PIK3CB: variants seen among roughly 807,000 people sequenced by gnomAD.
PIK3CB encodes the protein phosphatidylinositol 4,5-bisphosphate 3-kinase catalytic subunit beta isoform.
PIK3CB carries 39 observed loss-of-function variants against 136.8 expected under a neutral mutation model. The ratio of observed to expected loss-of-function variants is 0.29; its 90% CI spans 0.22 to 0.37. PIK3CB has a LOEUF of 0.37. Among genes scored for constraint, PIK3CB ranks in the 10% least tolerant of loss-of-function variants. The pLI is 1.00. For missense variants in PIK3CB, 868 were observed against 1,275.4 expected, an observed-to-expected ratio of 0.68 and a Z score of 4.87; for synonymous variants, 428 against 436.6, an observed-to-expected ratio of 0.98 and a Z score of 0.25.
intron 10 of PIK3CB, 62 bp downstream of exon 10, chr3:138,712,146 C>T (rs989812917): frequency 1.0e-4 from 71 of 709,522 alleles, no homozygotes; most frequent in Middle Eastern, 2.7e-4. Context: ...ATAAATATTA[C>T]CTAGTCCACA....
At chr3:138,767,241 C>T (rs1026732423) in intron 2 of PIK3CB, among the ~76,000 whole-genome samples, 1 of 152,092 alleles carries the variant, frequency 6.6e-6, no homozygotes, top group Non-Finnish European at 1.5e-5. Flanking sequence ...GTAGAAAATT[C>T]AAAAATCATG....
chr3:138,714,373 CTAATA>C (rs1449602016), intron 9 of PIK3CB, 90 bp downstream of exon 9: 4 of 754,596 alleles, frequency 5.3e-6, no homozygotes, highest in Non-Finnish European at 8.3e-6. Flanking sequence ...TCAAAGTTAC[CTAATA>C]TAATTTAACT....
chr3:138,713,425 A>G (rs1274775478), intron 9 of PIK3CB, among the ~76,000 whole-genome samples: 1 of 152,090 alleles, frequency 6.6e-6, no homozygotes, highest in Non-Finnish European at 1.5e-5. Flanking sequence ...TAATCCCAGC[A>G]CTTTGGGAGG....
intron 8 of PIK3CB, among the ~76,000 whole-genome samples, chr3:138,726,523 C>T (rs540048370): frequency 2.7e-4 from 41 of 152,234 alleles, no homozygotes; most frequent in African/African-American, 8.4e-4. Context: ...ACCACCGTTG[C>T]TATTGCCACA....
rs928271696 is a variant in PIK3CB, at chr3:138,775,327, T to C, written c.-16-15968A>G. On this transcript the variant is annotated intron_variant, in intron 2 of 23. Coordinates refer to ENST00000674063, the MANE Select transcript of PIK3CB (RefSeq NM_006219.3). ...ATGAATATTTAATAAGTACTTATTC[T>C]GTTTAAGATACCATATCACACACTT... Among the ~76,000 whole-genome samples, 3 of 152,206 alleles carry C rather than the reference T, an allele frequency of 2.0e-5. No homozygotes were observed. The East Asian group carries it at 5.8e-4, about 29-fold the overall frequency.
chr3:138,671,541 G>A (rs1342293537), intron 19 of PIK3CB, among the ~76,000 whole-genome samples: 8 of 152,194 alleles, frequency 5.3e-5, no homozygotes, highest in Admixed American at 1.3e-4. Context: ...CAAAAATAGA[G>A]ATTTCTCACA....
intron 11 of PIK3CB, among the ~76,000 whole-genome samples, chr3:138,706,019 T>C (rs2044371903): frequency 6.6e-6 from 1 of 152,240 alleles, no homozygotes; most frequent in African/African-American, 2.4e-5. Flanking sequence ...CCCAAGCTGA[T>C]GGGATCACAG....
At chr3:138,777,915 G>C in intron 2 of PIK3CB, 1 of 273,458 alleles carries the variant, frequency 3.7e-6, no homozygotes, top group South Asian at 4.3e-5. Context: ...AGTGGATATT[G>C]TCTCATCAAG....
intron 5 of PIK3CB, among the ~76,000 whole-genome samples, chr3:138,738,639 G>A (rs2045168228): frequency 6.6e-6 from 1 of 152,114 alleles, no homozygotes; most frequent in African/African-American, 2.4e-5. Context: ...TAAAAATGAA[G>A]ATATAGTTTG....
chr3:138,759,133 C>T, intron 3 of PIK3CB, 40 bp downstream of exon 3: 1 of 1,229,842 alleles, frequency 8.1e-7, no homozygotes, highest in Non-Finnish European at 1.1e-6. Flanking sequence ...CCAAGTGACA[C>T]AGTATGCTAA....
chr3:138,706,664 CTCTT>C, intron 11 of PIK3CB, among the ~76,000 whole-genome samples: 1 of 152,174 alleles, frequency 6.6e-6, no homozygotes, highest in Admixed American at 6.5e-5. Flanking sequence ...TTTTCTCTCT[CTCTT>C]TTTTTTGAGA....
chr3:138,739,970 T>C (rs1010473949), intron 5 of PIK3CB, among the ~76,000 whole-genome samples: 1 of 151,566 alleles, frequency 6.6e-6, no homozygotes, highest in African/African-American at 2.4e-5. Context: ...CGTAAGGACA[T>C]AGCAAGAAGA....
In PIK3CB at chr3:138,755,845, G is replaced by T; in HGVS notation, c.306C>A (p.Val102=). ...LEDETRRLCD[V]RPFLPVLKLV... is the part of the protein sequence containing the mutation. Reference sequence around the variant, plus strand: ...ATTTGAGAACTGGAAGAAAAGGTCTGACATCACAGAGTCTTCGTGTTTCAT... The same window carrying T: ...ATTTGAGAACTGGAAGAAAAGGTCTTACATCACAGAGTCTTCGTGTTTCAT... The change falls in exon 4 of 24, where the codon GTC becomes GTA. Residue 102 remains valine (V), a synonymous_variant. Transcript: ENST00000674063. The T allele has an allele frequency of 1.2e-6, 2 of 1,613,008 alleles. No homozygotes were observed. Among genetic ancestry groups the T allele is most frequent in the Non-Finnish European group, 1.7e-6 (2 of 1,179,190 alleles).
In PIK3CB at chr3:138,686,446, AAAAT is replaced by A. The variant is rs1289016995; in HGVS notation, c.2137-1647_2137-1644del. Among the ~76,000 whole-genome samples, 5 of 152,254 alleles carry A rather than the reference AAAAT, an allele frequency of 3.3e-5. 1 individual carries two copies. The highest frequency in any genetic ancestry group is 3.4e-3 in the Middle Eastern group (1 of 294). The stretch of plus-strand genomic sequence containing the variant: ...AGAGTGAGACTCCATCACAAAAAAT[AAAAT>A]AAATAAATAAATAATAACAACAAAT... On this transcript the variant is annotated intron_variant, in intron 16 of 23. Coordinates refer to ENST00000674063, the MANE Select transcript of PIK3CB (RefSeq NM_006219.3).
At chr3:138,674,252 A>G (rs965589425) in intron 19 of PIK3CB, among the ~76,000 whole-genome samples, 1 of 152,012 alleles carries the variant, frequency 6.6e-6, no homozygotes. Context: ...CTGGCTCTCA[A>G]CTATGGCTAA....
intron 1 of PIK3CB, among the ~76,000 whole-genome samples, chr3:138,814,248 C>A (rs143501054): frequency 2.0e-5 from 3 of 152,070 alleles, no homozygotes; most frequent in Admixed American, 2.0e-4. Context: ...GAGGCCCAGG[C>A]GGGAGGATCA....
chr3:138,732,750 G>T (rs2045013222), intron 8 of PIK3CB, among the ~76,000 whole-genome samples: 2 of 151,126 alleles, frequency 1.3e-5, no homozygotes, highest in Non-Finnish European at 1.5e-5. Context: ...ACTGAAAGAG[G>T]GGTTCAGTGC....
intron 1 of PIK3CB, among the ~76,000 whole-genome samples, chr3:138,810,503 C>T (rs1932981296): frequency 6.6e-6 from 1 of 151,694 alleles, no homozygotes; most frequent in Non-Finnish European, 1.5e-5. Context: ...CGTGGTCTTC[C>T]TCGCAAAAAC....
At chr3:138,759,773 T>C (rs2045636444) in intron 2 of PIK3CB, among the ~76,000 whole-genome samples, 1 of 152,180 alleles carries the variant, frequency 6.6e-6, no homozygotes, top group Non-Finnish European at 1.5e-5. Flanking sequence ...AACCAGCACT[T>C]GACAGGTGAT....
Sources: allele counts gnomAD v4.1 joint callset (sites outside exome capture counted in the v4.1 genomes callset), GRCh38; gene constraint gnomAD v4.1.1; transcripts MANE v1.5; gene names NCBI Gene and HGNC (gene_info 2026-07-23, HGNC 2026-07-21).